NRG3: variants seen among roughly 807,000 people sequenced by gnomAD.
NRG3 encodes the protein neuregulin 3, also known as pro-neuregulin-3, membrane-bound isoform.
A neutral mutation model predicts 66.9 loss-of-function variants in NRG3; 31 were observed. That is an observed-to-expected ratio of 0.46 (90% CI 0.35 to 0.63). NRG3 has a LOEUF of 0.63. Among genes scored for constraint, NRG3 ranks in the 20% least tolerant of loss-of-function variants. The pLI is 0.00. For synonymous variants in NRG3, 393 were observed against 359.4 expected (o/e 1.09, Z -1.06); for missense variants, 910 against 878.9 (o/e 1.04, Z -0.45).
intron 1 of NRG3, among the ~76,000 whole-genome samples, chr10:82,289,724 G>A (rs1414758): frequency 0.15 from 22,514 of 152,098 alleles, 3,797 homozygotes; most frequent in African/African-American, 0.41. Flanking sequence ...CCAAATGAAA[G>A]CCATTTTTCC....
At chr10:82,869,797 C>T (rs994537039) in intron 4 of NRG3, among the ~76,000 whole-genome samples, 3 of 151,560 alleles carry the variant, frequency 2.0e-5, no homozygotes, top group Admixed American at 6.6e-5. Flanking sequence ...TTAGTAGAGA[C>T]GGGGTTTTCA....
chr10:82,595,677 C>A (rs762598878), intron 2 of NRG3, among the ~76,000 whole-genome samples: 2 of 151,432 alleles, frequency 1.3e-5, no homozygotes, highest in Non-Finnish European at 1.5e-5. Context: ...CCCAGCTACT[C>A]GGGAGGTTGA....
At chr10:82,021,106 T>C (rs922497172) in intron 1 of NRG3, among the ~76,000 whole-genome samples, 3 of 152,082 alleles carry the variant, frequency 2.0e-5, no homozygotes, top group African/African-American at 7.2e-5. Context: ...CCTTCTTGGC[T>C]TCCTGCAGTG....
Position 81,931,539 on chromosome 10 carries a change from C to T in NRG3, c.823+55376C>T, listed in dbSNP as rs73306518. On this transcript the variant is annotated intron_variant, in intron 1 of 8. Transcript: ENST00000372141. ...CCATTTTGGGTTGTGGTCCCTCTCT[C>T]TCCTTGGGAACTTTTTCAAGAATCA... 5.6e-3 allele frequency among the ~76,000 whole-genome samples: 850 copies of T among 152,286 alleles called. 5 individuals carry two copies. Among genetic ancestry groups the T allele is most frequent in the African/African-American group, 0.02 (811 of 41,572 alleles).
At chr10:82,447,559 T>C (rs2090798368) in intron 2 of NRG3, among the ~76,000 whole-genome samples, 2 of 152,266 alleles carry the variant, frequency 1.3e-5, no homozygotes, top group South Asian at 4.1e-4. Flanking sequence ...ATTTTACATG[T>C]ATTTATTCTT....
chr10:82,519,226 TA>T (rs1223397244), intron 2 of NRG3, among the ~76,000 whole-genome samples: 1 of 152,154 alleles, frequency 6.6e-6, no homozygotes, highest in Non-Finnish European at 1.5e-5. Context: ...AGAGAGTTCT[TA>T]GGAGAATCTA....
At chr10:82,675,354 G>A (rs1180723943) in intron 2 of NRG3, among the ~76,000 whole-genome samples, 5 of 152,150 alleles carry the variant, frequency 3.3e-5, no homozygotes, top group Non-Finnish European at 5.9e-5. Flanking sequence ...TAGGGTTATG[G>A]GAAATGTTCC....
intron 1 of NRG3, among the ~76,000 whole-genome samples, chr10:82,102,281 T>C (rs1014837263): frequency 5.3e-5 from 8 of 149,934 alleles, no homozygotes; most frequent in African/African-American, 1.9e-4. Flanking sequence ...GATATAGCCA[T>C]CCCATCATTC....
chr10:82,632,493 A>G (rs2049911268), intron 2 of NRG3, among the ~76,000 whole-genome samples: 1 of 152,170 alleles, frequency 6.6e-6, no homozygotes, highest in Non-Finnish European at 1.5e-5. Context: ...TTCAAGGATC[A>G]GCTCAAATAT....
intron 1 of NRG3, among the ~76,000 whole-genome samples, chr10:82,007,317 C>A (rs560433774): frequency 2.0e-5 from 3 of 148,758 alleles, no homozygotes; most frequent in African/African-American, 7.4e-5. Context: ...TCAGGTGATT[C>A]TCCTGCCTCA....
intron 3 of NRG3, among the ~76,000 whole-genome samples, chr10:82,845,751 A>G (rs1004318281): frequency 3.3e-5 from 5 of 152,350 alleles, no homozygotes; most frequent in South Asian, 2.1e-4. Flanking sequence ...ATAAAATGAA[A>G]AGATACAACA....
At chr10:82,450,557 GA>G (rs1248673757) in intron 2 of NRG3, among the ~76,000 whole-genome samples, 1 of 152,106 alleles carries the variant, frequency 6.6e-6, no homozygotes, top group African/African-American at 2.4e-5. Context: ...TTCTGGAGCA[GA>G]TTTGAAAGCA....
At chr10:82,557,492 A>T (rs1001833935) in intron 2 of NRG3, among the ~76,000 whole-genome samples, 2 of 151,688 alleles carry the variant, frequency 1.3e-5, no homozygotes, top group African/African-American at 4.9e-5. Flanking sequence ...TTTTTCTTGC[A>T]AATTTGTTGA....
At chr10:82,795,391 A>C (rs1452905384) in intron 3 of NRG3, among the ~76,000 whole-genome samples, 1 of 152,290 alleles carries the variant, frequency 6.6e-6, no homozygotes, top group African/African-American at 2.4e-5. Flanking sequence ...TTATTTTAAA[A>C]AGCTTTATTC....
chr10:82,657,236 CCTCT>C (rs137870677), intron 2 of NRG3, among the ~76,000 whole-genome samples: 3 of 151,898 alleles, frequency 2.0e-5, no homozygotes, highest in Admixed American at 6.6e-5. Flanking sequence ...TTGTTTATCA[CCTCT>C]CTCTCTGTTC....
At chr10:82,579,029 T>C (rs1484636117) in intron 2 of NRG3, among the ~76,000 whole-genome samples, 1 of 151,902 alleles carries the variant, frequency 6.6e-6, no homozygotes, top group Non-Finnish European at 1.5e-5. Flanking sequence ...GCAATGCTTA[T>C]TTCTCAATCT....
chr10:82,070,070 C>T (rs1358844582), intron 1 of NRG3, among the ~76,000 whole-genome samples: 3 of 152,138 alleles, frequency 2.0e-5, no homozygotes. Context: ...TTACATGTGT[C>T]AAGAAATATG....
At chr10:82,383,943 A>T (rs1449691497) in intron 2 of NRG3, among the ~76,000 whole-genome samples, 1 of 151,904 alleles carries the variant, frequency 6.6e-6, no homozygotes, top group African/African-American at 2.4e-5. Context: ...TATCAAGTGG[A>T]TGTGTTTATG....
intron 2 of NRG3, among the ~76,000 whole-genome samples, chr10:82,440,879 C>G (rs1261629478): frequency 6.6e-6 from 1 of 152,120 alleles, no homozygotes; most frequent in Non-Finnish European, 1.5e-5. Flanking sequence ...TAAGAGCAAT[C>G]CAAATGGCAG....
Sources: allele counts gnomAD v4.1 joint callset (sites outside exome capture counted in the v4.1 genomes callset), GRCh38; gene constraint gnomAD v4.1.1; transcripts MANE v1.5; gene names NCBI Gene and HGNC (gene_info 2026-07-23, HGNC 2026-07-21).